The following IQCM variants were observed in gnomAD, a reference collection of about 807,000 sequenced individuals.
The protein encoded by IQCM is IQ motif containing M, also known as IQ domain-containing protein M.
In IQCM, 45 loss-of-function variants were observed where a neutral mutation model predicts 57.6. The observed-to-expected ratio is 0.78, with a 90% confidence interval of 0.62 to 1.00. IQCM has a LOEUF of 1.00. IQCM is among the 50% of genes least tolerant of loss of function. IQCM has a pLI of 0.00. For missense variants in IQCM, 468 were observed against 511.6 expected (o/e 0.91, Z 0.82); for synonymous variants, 148 against 158.9 (o/e 0.93, Z 0.51).
chr4:149,453,738 G>A (rs374068321), intron 12 of IQCM, among the ~76,000 whole-genome samples: 25 of 151,698 alleles, frequency 1.6e-4, no homozygotes, highest in African/African-American at 3.1e-4. Context: ...AAAGATTATC[G>A]AGAAGTTAGA....
intron 13 of IQCM, among the ~76,000 whole-genome samples, chr4:149,376,529 T>C (rs1578847555): frequency 1.3e-5 from 2 of 152,084 alleles, no homozygotes; most frequent in South Asian, 2.1e-4. Context: ...CAATAAACAA[T>C]AGCCTGCTGC....
intron 8 of IQCM, among the ~76,000 whole-genome samples, chr4:149,594,521 T>A (rs892197930): frequency 6.6e-6 from 1 of 152,216 alleles, no homozygotes; most frequent in African/African-American, 2.4e-5. Flanking sequence ...TTGCTCTTGC[T>A]TCTCTAGTTC....
chr4:149,581,617 G>C (rs918736233), intron 9 of IQCM, among the ~76,000 whole-genome samples: 3 of 151,540 alleles, frequency 2.0e-5, no homozygotes, highest in African/African-American at 7.3e-5. Context: ...ATTGCCCTTG[G>C]GAAGTTGACC....
At position 149,449,321 on chromosome 4, in the gene IQCM, T is replaced by TAC. The variant is rs1553967141; in HGVS notation, c.1229-15765_1229-15764insGT. ...CAGTACCTGGTTTTAAAACCAGGTT[T>TAC]ATATATATATAAATAAATTATATTA... On this transcript the variant is annotated intron_variant, in intron 12 of 13. Transcript: ENST00000636793. 2.0e-5 allele frequency among the ~76,000 whole-genome samples: 3 copies of TAC among 146,498 alleles called. No individual in the cohort carries two copies. The Admixed American group carries it at 2.1e-4, about 10-fold the overall frequency.
intron 12 of IQCM, among the ~76,000 whole-genome samples, chr4:149,446,590 G>C (rs1736536184): frequency 6.6e-6 from 1 of 151,564 alleles, no homozygotes; most frequent in Non-Finnish European, 1.5e-5. Context: ...AATTACATTT[G>C]GAAGCAGTTG....
chr4:149,694,225 T>TTTC (rs1763152903), intron 5 of IQCM, among the ~76,000 whole-genome samples: 1 of 137,852 alleles, frequency 7.3e-6, no homozygotes, highest in African/African-American at 2.8e-5. Flanking sequence ...TTTCTTTTTT[T>TTTC]TTTTTTTTTT....
intron 12 of IQCM, among the ~76,000 whole-genome samples, chr4:149,473,383 A>G (rs1283114724): frequency 6.6e-6 from 1 of 152,244 alleles, no homozygotes; most frequent in Non-Finnish European, 1.5e-5. Context: ...AATGTTCATC[A>G]TCACTGGCCA....
At chr4:149,751,322 ACT>A (rs1337462227) in intron 2 of IQCM, among the ~76,000 whole-genome samples, 40 of 151,918 alleles carry the variant, frequency 2.6e-4, no homozygotes, top group Admixed American at 2.6e-3. Flanking sequence ...CTCTGACTGA[ACT>A]CTCTTATTCT....
chr4:149,645,064 A>G (rs1758522907), intron 7 of IQCM, among the ~76,000 whole-genome samples: 1 of 152,158 alleles, frequency 6.6e-6, no homozygotes, highest in Non-Finnish European at 1.5e-5. Context: ...TCTTTCTATA[A>G]GTTTATAAAG....
chr4:149,473,796 TA>T (rs1280666645), intron 12 of IQCM, among the ~76,000 whole-genome samples: 1 of 152,116 alleles, frequency 6.6e-6, no homozygotes, highest in Non-Finnish European at 1.5e-5. Flanking sequence ...TATGCAGCCA[TA>T]AAAAATGATG....
intron 11 of IQCM, among the ~76,000 whole-genome samples, chr4:149,550,115 C>T (rs993552981): frequency 2.0e-5 from 3 of 152,104 alleles, no homozygotes; most frequent in African/African-American, 7.2e-5. Flanking sequence ...GGCTACAGGC[C>T]TTCACTCAAC....
intron 7 of IQCM, among the ~76,000 whole-genome samples, chr4:149,653,026 GA>G (rs1759328305): frequency 6.6e-6 from 1 of 152,120 alleles, no homozygotes; most frequent in African/African-American, 2.4e-5. Context: ...AGAAGGCAGT[GA>G]AAAATGTTGA....
Position 149,354,363 on chromosome 4 carries a change from C to CAAAAAAAAAAAAAAA in IQCM, c.1391-2312_1391-2298dup, listed in dbSNP as rs70965178. Reference sequence around the variant, plus strand: ...TGGGCGACAGAGCGAGACTCCGTCTCAAAAAAAAAAAAAAAAAAAAAAAAA... The same window carrying CAAAAAAAAAAAAAAA: ...TGGGCGACAGAGCGAGACTCCGTCTCAAAAAAAAAAAAAAAAAAAAAAAAAAAAAAAAAAAAAAAA... On this transcript the variant is annotated intron_variant, in intron 13 of 13. Coordinates refer to ENST00000636793, the MANE Select transcript of IQCM (RefSeq NM_001363507.2). Among the ~76,000 whole-genome samples, 46 of 20,144 alleles carry CAAAAAAAAAAAAAAA rather than the reference C, an allele frequency of 2.3e-3. 2 individuals are homozygous for CAAAAAAAAAAAAAAA. Among genetic ancestry groups the CAAAAAAAAAAAAAAA allele is most frequent in the East Asian group, 9.3e-3 (4 of 428 alleles). The allele number at this position is 20,144 out of a possible 152,430, so 13.2% of individuals were successfully genotyped here. A position where few individuals can be genotyped will look rare whatever the true frequency, so the allele number is the denominator to read the frequency against.
intron 8 of IQCM, among the ~76,000 whole-genome samples, chr4:149,619,337 T>C (rs1241745910): frequency 6.6e-6 from 1 of 151,758 alleles, no homozygotes; most frequent in Admixed American, 6.6e-5. Context: ...GGTGGGAGGA[T>C]GGGAAAGGGG....
chr4:149,378,322 A>G (rs1377492159), intron 13 of IQCM, among the ~76,000 whole-genome samples: 1 of 152,194 alleles, frequency 6.6e-6, no homozygotes, highest in African/African-American at 2.4e-5. Flanking sequence ...CAGAGGTAGG[A>G]ACAGTTGGAG....
chr4:149,714,094 T>C (rs947867974), intron 5 of IQCM, among the ~76,000 whole-genome samples: 4 of 152,198 alleles, frequency 2.6e-5, no homozygotes, highest in African/African-American at 7.2e-5. Context: ...AAGGTCATCG[T>C]TGACCTCCAC....
At chr4:149,526,205 C>A (rs1016454752) in intron 12 of IQCM, among the ~76,000 whole-genome samples, 6 of 151,730 alleles carry the variant, frequency 4.0e-5, no homozygotes, top group South Asian at 2.1e-4. Context: ...AATAGAAGCA[C>A]CAATCCAAAA....
chr4:149,440,121 C>CTTTTTTTT (rs955416306), intron 12 of IQCM, among the ~76,000 whole-genome samples: 2 of 88,022 alleles, frequency 2.3e-5, no homozygotes, highest in Non-Finnish European at 4.7e-5. Flanking sequence ...CATGCCCGGC[C>CTTTTTTTT]TTTTTTTTTT....
intron 10 of IQCM, among the ~76,000 whole-genome samples, chr4:149,553,791 G>C (rs940057447): frequency 1.3e-5 from 2 of 152,068 alleles, no homozygotes; most frequent in Non-Finnish European, 2.9e-5. Context: ...GAATATTCAA[G>C]AAATTAACCC....
Sources: allele counts gnomAD v4.1 joint callset (sites outside exome capture counted in the v4.1 genomes callset), GRCh38; gene constraint gnomAD v4.1.1; transcripts MANE v1.5; gene names NCBI Gene and HGNC (gene_info 2026-07-23, HGNC 2026-07-21).